The following SCMH1 variants were observed in gnomAD, a reference collection of about 807,000 sequenced individuals.
SCMH1 encodes the protein Scm polycomb group protein homolog 1, also known as polycomb protein SCMH1.
SCMH1 carries 37 observed loss-of-function variants against 70.8 expected under a neutral mutation model. The observed-to-expected ratio is 0.52, with a 90% CI of 0.40 to 0.69. The LOEUF (loss-of-function observed/expected upper bound fraction) is 0.69. SCMH1 is among the 30% of genes least tolerant of loss of function. The pLI is 0.00. For synonymous variants in SCMH1, 292 were observed against 307.4 expected (o/e 0.95, Z 0.52); for missense variants, 607 against 827.3 (o/e 0.73, Z 3.27).
chr1:41,192,079 A>G (rs765390584), intron 1 of SCMH1, among the ~76,000 whole-genome samples: 3 of 152,126 alleles, frequency 2.0e-5, no homozygotes, highest in Admixed American at 6.5e-5. Flanking sequence ...CTGACTATAT[A>G]ATGTATCTTA....
chr1:41,191,671 C>T (rs537160461), intron 1 of SCMH1, among the ~76,000 whole-genome samples: 14 of 152,116 alleles, frequency 9.2e-5, no homozygotes, highest in Admixed American at 2.0e-4. Context: ...CCAATGTTTG[C>T]ATTTGGTATA....
At chr1:41,154,597 T>G (rs969739331) in intron 4 of SCMH1, among the ~76,000 whole-genome samples, 1 of 152,158 alleles carries the variant, frequency 6.6e-6, no homozygotes, top group Admixed American at 6.5e-5. Context: ...AACAGAGACA[T>G]TAATAAACAT....
chr1:41,232,656 T>C (rs958246480), intron 1 of SCMH1, among the ~76,000 whole-genome samples: 12 of 152,210 alleles, frequency 7.9e-5, no homozygotes, highest in African/African-American at 2.9e-4. Flanking sequence ...ATGTATAAAA[T>C]AGAGGTGATA....
intron 10 of SCMH1, among the ~76,000 whole-genome samples, chr1:41,051,782 T>A (rs1648260964): frequency 6.6e-6 from 1 of 152,156 alleles, no homozygotes; most frequent in African/African-American, 2.4e-5. Context: ...GTTAAAAAGT[T>A]TATAATGTAA....
intron 8 of SCMH1, among the ~76,000 whole-genome samples, chr1:41,101,391 ACT>A (rs749507545): frequency 6.6e-6 from 1 of 151,988 alleles, no homozygotes; most frequent in Non-Finnish European, 1.5e-5. Context: ...GCACTCTAAG[ACT>A]CTATGACTTT....
rs1666933771 is a variant in SCMH1 at position 41,102,763 on chromosome 1, T to C, written c.745+10520A>G. On this transcript the variant is annotated intron_variant, in intron 8 of 14. Transcript: ENST00000337495. ...AGCAGTTTCGGCAAGTGGAGGGCTA[T>C]ATTTTCTTAGAAGATGGTCTGCTAA... is the stretch of plus-strand genomic sequence containing the variant. 2.6e-5 allele frequency among the ~76,000 whole-genome samples: 4 copies of C among 152,196 alleles called. No homozygotes were observed. The South Asian group carries it at 6.2e-4, about 24-fold the overall frequency.
intron 8 of SCMH1, among the ~76,000 whole-genome samples, chr1:41,097,233 G>A (rs1343060267): frequency 6.6e-6 from 1 of 152,132 alleles, no homozygotes; most frequent in Non-Finnish European, 1.5e-5. Context: ...ACTGATTTCA[G>A]ACTTAGCTTT....
At chr1:41,152,606 T>A (rs762947176) in intron 4 of SCMH1, 174 of 1,613,938 alleles carry the variant, frequency 1.1e-4, no homozygotes, top group Non-Finnish European at 1.5e-4. Flanking sequence ...CACCTAGAGG[T>A]GACCCCATGA....
intron 8 of SCMH1, among the ~76,000 whole-genome samples, chr1:41,091,527 C>G (rs1374689204): frequency 6.6e-6 from 1 of 152,184 alleles, no homozygotes; most frequent in African/African-American, 2.4e-5. Context: ...GTTGGAAGTT[C>G]TGGCCAGGGC....
At chr1:41,241,477 G>C (rs1433168421) in intron 1 of SCMH1, among the ~76,000 whole-genome samples, 1 of 152,110 alleles carries the variant, frequency 6.6e-6, no homozygotes, top group African/African-American at 2.4e-5. Context: ...TGACAGCTCC[G>C]GGCCCTAGGC....
chr1:41,089,229 T>C (rs1662611045), intron 8 of SCMH1, among the ~76,000 whole-genome samples: 1 of 152,228 alleles, frequency 6.6e-6, no homozygotes, highest in Non-Finnish European at 1.5e-5. Flanking sequence ...TTGTTTTTAA[T>C]ACAATTTCCC....
At chr1:41,176,090 C>T (rs2148547537) in intron 2 of SCMH1, among the ~76,000 whole-genome samples, 1 of 143,120 alleles carries the variant, frequency 7.0e-6, no homozygotes, top group South Asian at 2.2e-4. Context: ...GAAAGATCAA[C>T]AGTAAAACAA....
intron 8 of SCMH1, among the ~76,000 whole-genome samples, chr1:41,076,532 A>T (rs900693301): frequency 2.0e-5 from 3 of 152,174 alleles, no homozygotes; most frequent in African/African-American, 7.2e-5. Flanking sequence ...AAAGAAAATT[A>T]AAAAAATAAC....
intron 6 of SCMH1, among the ~76,000 whole-genome samples, chr1:41,138,662 T>G (rs1436040057): frequency 1.3e-5 from 2 of 152,154 alleles, no homozygotes; most frequent in African/African-American, 4.8e-5. Flanking sequence ...TTTTCACATC[T>G]TCTTGTCTAT....
chr1:41,131,820 A>G (rs986658743), intron 6 of SCMH1, among the ~76,000 whole-genome samples: 3 of 152,030 alleles, frequency 2.0e-5, no homozygotes, highest in African/African-American at 7.2e-5. Flanking sequence ...TGTCCTTGTG[A>G]TAGTTTGCTG....
intron 13 of SCMH1, among the ~76,000 whole-genome samples, chr1:41,033,700 G>GT (rs1644869698): frequency 1.3e-5 from 2 of 152,352 alleles, no homozygotes; most frequent in African/African-American, 4.8e-5. Flanking sequence ...GGTTAATGCA[G>GT]TAAGAGAGGA....
intron 10 of SCMH1, among the ~76,000 whole-genome samples, chr1:41,063,396 CT>C: frequency 6.6e-6 from 1 of 151,502 alleles, no homozygotes; most frequent in East Asian, 2.0e-4. Flanking sequence ...TCACTTGAAC[CT>C]GGGAGGTGGA....
At chr1:41,037,132 C>T (rs1645415471) in intron 13 of SCMH1, among the ~76,000 whole-genome samples, 1 of 152,192 alleles carries the variant, frequency 6.6e-6, no homozygotes, top group African/African-American at 2.4e-5. Context: ...CCTTCCCTGT[C>T]CCTTTTGGGT....
intron 13 of SCMH1, among the ~76,000 whole-genome samples, chr1:41,029,928 A>G (rs1462712179): frequency 6.6e-6 from 1 of 152,218 alleles, no homozygotes; most frequent in African/African-American, 2.4e-5. Flanking sequence ...AAAAGCAATA[A>G]TTAGGATGGG....
Sources: allele counts gnomAD v4.1 joint callset (sites outside exome capture counted in the v4.1 genomes callset), GRCh38; gene constraint gnomAD v4.1.1; transcripts MANE v1.5; gene names NCBI Gene and HGNC (gene_info 2026-07-23, HGNC 2026-07-21).